Variants in THSD7B observed in about 807,000 individuals in gnomAD.
The protein encoded by THSD7B is thrombospondin type-1 domain-containing protein 7B.
In THSD7B, 138 loss-of-function variants were observed where a neutral mutation model predicts 213.6. The ratio of observed to expected loss-of-function variants is 0.65; its 90% CI spans 0.56 to 0.74. The LOEUF is 0.74. THSD7B is among the 30% of genes least tolerant of loss of function. THSD7B has a pLI of 0.00. For missense variants in THSD7B, 1,931 were observed against 1,991.5 expected (o/e 0.97, Z 0.58); for synonymous variants, 742 against 687.0 (o/e 1.08, Z -1.25).
intron 5 of THSD7B, among the ~76,000 whole-genome samples, chr2:137,129,445 C>CATT (rs1553473149): frequency 6.9e-6 from 1 of 145,604 alleles, no homozygotes; most frequent in African/African-American, 2.5e-5. Context: ...TCTGTAATTA[C>CATT]TTTTTTTTTT....
chr2:136,832,597 A>G (rs1391767635), intron 1 of THSD7B, among the ~76,000 whole-genome samples: 1 of 152,208 alleles, frequency 6.6e-6, no homozygotes, highest in African/African-American at 2.4e-5. Context: ...TCTCCCAGTG[A>G]AATTGACACA....
At chr2:136,774,510 T>C (rs554546687) in intron 1 of THSD7B, among the ~76,000 whole-genome samples, 1 of 152,222 alleles carries the variant, frequency 6.6e-6, no homozygotes, top group Non-Finnish European at 1.5e-5. Context: ...GTGTGCAACA[T>C]ATAAAAAAAG....
intron 7 of THSD7B, among the ~76,000 whole-genome samples, chr2:137,219,616 A>G (rs1681322413): frequency 6.6e-6 from 1 of 152,150 alleles, no homozygotes; most frequent in Non-Finnish European, 1.5e-5. Flanking sequence ...AACTTTCAAT[A>G]TGTTACTGTC....
chr2:137,350,261 C>T (rs779811065), intron 12 of THSD7B, among the ~76,000 whole-genome samples: 2 of 151,698 alleles, frequency 1.3e-5, no homozygotes, highest in Non-Finnish European at 2.9e-5. Context: ...CTAAGGAATC[C>T]TTGAAATTTT....
chr2:137,136,476 C>A (rs1449134175), intron 5 of THSD7B, among the ~76,000 whole-genome samples: 1 of 152,138 alleles, frequency 6.6e-6, no homozygotes, highest in Non-Finnish European at 1.5e-5. Flanking sequence ...TTCAAACTTG[C>A]TTTGTTCTGA....
At chr2:137,381,283 G>A (rs187781482) in intron 12 of THSD7B, among the ~76,000 whole-genome samples, 3 of 152,326 alleles carry the variant, frequency 2.0e-5, no homozygotes, top group African/African-American at 7.2e-5. Flanking sequence ...TAGAAGCAGA[G>A]AGCACCAAGA....
rs140956028 is a variant in THSD7B, at chr2:137,437,178, A to G, written c.2960-13667A>G. Among the ~76,000 whole-genome samples, 46 of 152,298 alleles carry G rather than the reference A, an allele frequency of 3.0e-4. No individual in the cohort carries two copies. The East Asian group carries it at 8.3e-3, about 27-fold the overall frequency. Reference sequence around the variant, plus strand: ...ATTCTAATCCCAGATGAAATAATCCAGCACTTTCCTGGATCAGAGCTATAC... The same window carrying G: ...ATTCTAATCCCAGATGAAATAATCCGGCACTTTCCTGGATCAGAGCTATAC... On this transcript the variant is annotated intron_variant, in intron 14 of 27. Coordinates refer to ENST00000409968, the MANE Select transcript of THSD7B (RefSeq NM_001316349.2).
intron 27 of THSD7B, among the ~76,000 whole-genome samples, chr2:137,675,406 ATATATATATATATATATATATATAT>A (rs1309681474): frequency 1.5e-4 from 1 of 6,500 alleles, no homozygotes; most frequent in Non-Finnish European, 3.1e-4. Flanking sequence ...TGAATGCCAT[ATATATATATATATATATATATATAT>A]ATATATATAT....
chr2:137,501,316 T>C (rs1679698867), intron 15 of THSD7B, among the ~76,000 whole-genome samples: 1 of 152,186 alleles, frequency 6.6e-6, no homozygotes, highest in African/African-American at 2.4e-5. Context: ...ATATGGTATA[T>C]TTCTTTTTAT....
At chr2:137,421,540 G>A (rs999945136) in intron 14 of THSD7B, among the ~76,000 whole-genome samples, 1 of 152,182 alleles carries the variant, frequency 6.6e-6, no homozygotes, top group Non-Finnish European at 1.5e-5. Context: ...TAGGGGGACA[G>A]AACTTCCATG....
chr2:137,441,895 ACC>A (rs1687419773), intron 14 of THSD7B, among the ~76,000 whole-genome samples: 1 of 151,992 alleles, frequency 6.6e-6, no homozygotes, highest in East Asian at 1.9e-4. Flanking sequence ...CCAATCACCT[ACC>A]CCAAAAACAT....
Position 137,659,845 on chromosome 2 carries a change from C to A in THSD7B, c.4458+99C>A, listed in dbSNP as rs1683310022. ...GCCGGCTGCAGCCCAAGCAGCAGTTCCACGTGCCCATGATACCATCTAGAG... is the reference window on the plus strand; with the variant it reads ...GCCGGCTGCAGCCCAAGCAGCAGTTACACGTGCCCATGATACCATCTAGAG... On this transcript the variant is annotated intron_variant, in intron 25 of 27. Transcript: ENST00000409968. 5 of 1,136,486 alleles carry A rather than the reference C, an allele frequency of 4.4e-6. No individual in the cohort carries two copies. The Admixed American group carries it at 7.6e-5, about 17-fold the overall frequency. 70.4% of individuals were successfully genotyped at this position (1,136,486 alleles called of 1,614,324 possible).
chr2:136,883,147 T>A (rs1344710), intron 2 of THSD7B, among the ~76,000 whole-genome samples: 92,534 of 151,896 alleles, frequency 0.61, 30,218 homozygotes, highest in Non-Finnish European at 0.74. Context: ...ATACTTAATA[T>A]CTTGGAACTG....
At chr2:137,381,718 C>T (rs991486843) in intron 12 of THSD7B, among the ~76,000 whole-genome samples, 1 of 152,138 alleles carries the variant, frequency 6.6e-6, no homozygotes, top group African/African-American at 2.4e-5. Context: ...CGATAAGCAG[C>T]CCAATGAAGT....
chr2:137,199,354 A>C (rs559755326), intron 7 of THSD7B, among the ~76,000 whole-genome samples: 1 of 152,188 alleles, frequency 6.6e-6, no homozygotes, highest in Non-Finnish European at 1.5e-5. Context: ...TTTATATAAA[A>C]TAAAAAGTAA....
chr2:136,960,978 A>T (rs917360115), intron 2 of THSD7B, among the ~76,000 whole-genome samples: 2 of 146,302 alleles, frequency 1.4e-5, no homozygotes, highest in South Asian at 4.6e-4. Flanking sequence ...GGTCCCAGCT[A>T]CTTGGGAGGC....
At chr2:137,198,316 A>G (rs1046989455) in intron 7 of THSD7B, among the ~76,000 whole-genome samples, 7 of 152,118 alleles carry the variant, frequency 4.6e-5, no homozygotes, top group African/African-American at 1.7e-4. Flanking sequence ...TTTTCTCTTT[A>G]TCTTTCAGTG....
chr2:137,630,771 G>A (rs530415198), intron 20 of THSD7B, among the ~76,000 whole-genome samples: 3 of 152,244 alleles, frequency 2.0e-5, no homozygotes, highest in Admixed American at 6.5e-5. Context: ...CTTTTCGAAC[G>A]GGTTGTAGCA....
intron 12 of THSD7B, among the ~76,000 whole-genome samples, chr2:137,349,847 GA>G (rs1160588614): frequency 2.0e-5 from 3 of 151,728 alleles, no homozygotes; most frequent in African/African-American, 7.3e-5. Context: ...GATTAAGAGG[GA>G]AAAAATGTTG....
Sources: allele counts gnomAD v4.1 joint callset (sites outside exome capture counted in the v4.1 genomes callset), GRCh38; gene constraint gnomAD v4.1.1; transcripts MANE v1.5; gene names NCBI Gene and HGNC (gene_info 2026-07-23, HGNC 2026-07-21).